GRIP1: variants seen among roughly 807,000 people sequenced by gnomAD.
GRIP1 encodes glutamate receptor interacting protein 1.
GRIP1 carries 45 observed loss-of-function variants against 129.9 expected under a neutral mutation model. The ratio of observed to expected loss-of-function variants is 0.35; its 90% confidence interval spans 0.27 to 0.44. The LOEUF is 0.44. GRIP1 is among the 20% of genes least tolerant of loss of function. GRIP1 has a pLI of 1.00. For missense variants in GRIP1, 1,196 were observed against 1,396.8 expected, an observed-to-expected ratio of 0.86 and a Z score of 2.29; for synonymous variants, 530 against 520.8, an observed-to-expected ratio of 1.02 and a Z score of -0.24.
At chr12:66,508,400 A>G (rs1376429704) in intron 7 of GRIP1, among the ~76,000 whole-genome samples, 1 of 152,196 alleles carries the variant, frequency 6.6e-6, no homozygotes, top group African/African-American at 2.4e-5. Flanking sequence ...TTGTAGAACT[A>G]GTGGCACAAC....
At chr12:66,475,573 T>C (rs961068553) in intron 7 of GRIP1, among the ~76,000 whole-genome samples, 5 of 152,180 alleles carry the variant, frequency 3.3e-5, no homozygotes, top group African/African-American at 1.2e-4. Flanking sequence ...ACCACATAGT[T>C]GGAAGTAAAG....
chr12:66,901,435 T>A (rs149105769), intron 1 of GRIP1, among the ~76,000 whole-genome samples: 191 of 152,376 alleles, frequency 1.3e-3, no homozygotes, highest in African/African-American at 4.3e-3. Context: ...CCTCCATATT[T>A]CACTCAGTTC....
chr12:66,893,406 AT>A (rs200341546), intron 1 of GRIP1, among the ~76,000 whole-genome samples: 9 of 151,930 alleles, frequency 5.9e-5, no homozygotes, highest in Non-Finnish European at 8.8e-5. Flanking sequence ...CACCCGACTA[AT>A]TTTTTTTCCT....
At chr12:66,688,129 C>T (rs970796199) in intron 1 of GRIP1, among the ~76,000 whole-genome samples, 6 of 152,136 alleles carry the variant, frequency 3.9e-5, no homozygotes, top group African/African-American at 1.4e-4. Flanking sequence ...CCCTAATACA[C>T]CGGACTTAGT....
intron 1 of GRIP1, among the ~76,000 whole-genome samples, chr12:66,945,517 G>A (rs1486655036): frequency 6.6e-6 from 1 of 152,118 alleles, no homozygotes; most frequent in Non-Finnish European, 1.5e-5. Context: ...ATCACAGCAA[G>A]GGGAGAAGTC....
chr12:66,371,876 G>A lies in GRIP1; in HGVS notation c.2830C>T (p.Pro944Ser). ...TMSLNHEAPT[P>S]RSQLGRQASF... The stretch of plus-strand genomic sequence containing the variant: ...GCCTGTCGCCCCAGCTGACTGCGAG[G>A]TGTTGGAGCCTCATGATTCAAACTC... The change falls in exon 23 of 25, where the codon CCT becomes TCT. Residue 944 changes from proline to serine, a missense_variant. By Grantham distance (74) the Pro-to-Ser change is moderately conservative. Around this residue, in one of 5 missense-constraint regions of GRIP1, gnomAD observed 427 missense variants for 463.3 expected, o/e 0.92. Transcript: ENST00000359742. The A allele has an allele frequency of 6.2e-7, 1 of 1,613,438 alleles. No individual in the cohort carries two copies. The highest frequency in any genetic ancestry group is 1.1e-5 in the South Asian group (1 of 91,062).
chr12:66,532,465 T>C (rs1243238316), intron 4 of GRIP1, among the ~76,000 whole-genome samples: 1 of 152,188 alleles, frequency 6.6e-6, no homozygotes, highest in African/African-American at 2.4e-5. Flanking sequence ...TATTTTCCTA[T>C]GGTAGATGAG....
At chr12:66,901,783 A>G (rs1186991340) in intron 1 of GRIP1, among the ~76,000 whole-genome samples, 1 of 152,322 alleles carries the variant, frequency 6.6e-6, no homozygotes, top group Admixed American at 6.5e-5. Flanking sequence ...ACACGGAGCA[A>G]CAGGAAGGGC....
chr12:66,379,474 A>T, intron 19 of GRIP1, 38 bp from the exon 20 acceptor site: 2 of 1,601,478 alleles, frequency 1.2e-6, no homozygotes, highest in Non-Finnish European at 1.7e-6. Flanking sequence ...GGGCCCAAGG[A>T]TTACTTAATC....
intron 1 of GRIP1, among the ~76,000 whole-genome samples, chr12:66,772,093 G>A (rs1053821077): frequency 6.6e-6 from 1 of 152,218 alleles, no homozygotes; most frequent in Non-Finnish European, 1.5e-5. Context: ...ACAGCCCCAT[G>A]AGATAGGTAA....
upstream of GRIP1, among the ~76,000 whole-genome samples, chr12:66,680,357 T>C (rs1272156083): frequency 2.6e-5 from 4 of 152,200 alleles, no homozygotes; most frequent in Admixed American, 2.0e-4. Flanking sequence ...ATATGCTTTG[T>C]ATTTTGAGTC....
intron 1 of GRIP1, among the ~76,000 whole-genome samples, chr12:66,877,532 G>A (rs1203738487): frequency 6.6e-6 from 1 of 152,012 alleles, no homozygotes; most frequent in East Asian, 1.9e-4. Flanking sequence ...CATAATCAGT[G>A]ATCTTTCTCC....
At chr12:66,369,787 G>A (rs531618076) in intron 23 of GRIP1, among the ~76,000 whole-genome samples, 24 of 152,194 alleles carry the variant, frequency 1.6e-4, no homozygotes, top group African/African-American at 5.8e-4. Context: ...AGCAGACTTA[G>A]GACTGAATAT....
intron 1 of GRIP1, among the ~76,000 whole-genome samples, chr12:67,060,811 C>T (rs969563560): frequency 1.5e-4 from 17 of 113,094 alleles, no homozygotes; most frequent in Non-Finnish European, 2.9e-4. Flanking sequence ...GCAACAAGAA[C>T]GAAACTCCGT....
At chr12:66,459,411 T>C (rs942479738) in intron 9 of GRIP1, among the ~76,000 whole-genome samples, 1 of 152,176 alleles carries the variant, frequency 6.6e-6, no homozygotes, top group African/African-American at 2.4e-5. Flanking sequence ...TTTCACAAAG[T>C]ACCATCTGTG....
At chr12:66,905,459 A>T (rs1233964882) in intron 1 of GRIP1, among the ~76,000 whole-genome samples, 1 of 152,164 alleles carries the variant, frequency 6.6e-6, no homozygotes, top group Admixed American at 6.5e-5. Flanking sequence ...GACAAGAGGG[A>T]CTTTTCTTTG....
At chr12:66,468,559 C>G (rs1335335958) in intron 7 of GRIP1, among the ~76,000 whole-genome samples, 1 of 152,048 alleles carries the variant, frequency 6.6e-6, no homozygotes, top group Non-Finnish European at 1.5e-5. Flanking sequence ...CCAACCATTA[C>G]CCAATACTCA....
rs144598568 is a variant in GRIP1, at chr12:66,400,137, T to C, written c.1985-5785A>G. ...GCATCATCTGCAAACTTGTTAAAAA[T>C]GCAAATTCTCAAGTTTGCATTTGAC... On this transcript the variant is annotated intron_variant, in intron 16 of 24. Coordinates refer to ENST00000359742, the MANE Select transcript of GRIP1 (RefSeq NM_001366722.1). 1.1e-3 allele frequency among the ~76,000 whole-genome samples: 170 copies of C among 152,018 alleles called. 3 individuals carry two copies. The highest frequency in any genetic ancestry group is 4.0e-3 in the African/African-American group (164 of 41,280).
At chr12:67,003,807 T>C (rs1349389613) in intron 1 of GRIP1, among the ~76,000 whole-genome samples, 1 of 152,142 alleles carries the variant, frequency 6.6e-6, no homozygotes, top group East Asian at 1.9e-4. Flanking sequence ...AGAAAGAAAA[T>C]AGACATGCAT....
Sources: allele counts gnomAD v4.1 joint callset (sites outside exome capture counted in the v4.1 genomes callset), GRCh38; gene constraint gnomAD v4.1.1; regional missense constraint gnomAD v4.1.1; transcripts MANE v1.5; gene names NCBI Gene and HGNC (gene_info 2026-07-23, HGNC 2026-07-21).